Variants in CDH4 observed in about 807,000 individuals in gnomAD.
The protein encoded by CDH4 is cadherin 4.
Under a neutral mutation model 86.0 loss-of-function variants are expected in CDH4, and 33 were observed. That is an observed-to-expected ratio of 0.38 (90% CI 0.29 to 0.51). The LOEUF (loss-of-function observed/expected upper bound fraction) is 0.51, where lower values mean the gene tolerates loss of function less well. Among genes scored for constraint, CDH4 ranks in the 20% least tolerant of loss-of-function variants. The pLI, the probability that CDH4 is intolerant of heterozygous loss-of-function variation, is 0.86. For missense variants in CDH4, 1,114 were observed against 1,307.4 expected, an observed-to-expected ratio of 0.85 and a Z score of 2.28; for synonymous variants, 555 against 549.4, an observed-to-expected ratio of 1.01 and a Z score of -0.14.
At chr20:61,273,340 CCTTGTG>C (rs2084196879) in intron 2 of CDH4, among the ~76,000 whole-genome samples, 8 of 126,384 alleles carry the variant, frequency 6.3e-5, no homozygotes, top group Non-Finnish European at 6.4e-5. Context: ...TGGGAGAGTA[CCTTGTG>C]CAGTTTGGGG....
In CDH4 at chr20:61,684,595, GCTCCTGGGGGTT is replaced by G; in HGVS notation, c.170-58966_170-58955del. Among the ~76,000 whole-genome samples the G allele has an allele frequency of 6.6e-6, 1 of 152,188 alleles. No individual in the cohort carries two copies. Among genetic ancestry groups the G allele is most frequent in the South Asian group, 2.1e-4 (1 of 4,828 alleles). ...TGGGCTCCGTCCTGGGGGCTGAAAG[GCTCCTGGGGGTT>G]CAGTCTCTAACCTGCTCTTTAAAAT... On this transcript the variant is annotated intron_variant, in intron 2 of 15. Coordinates refer to ENST00000614565, the MANE Select transcript of CDH4 (RefSeq NM_001794.5). The surrounding 1 kb of genome is among the most constrained non-coding windows in gnomAD (Gnocchi z 4.5).
chr20:61,760,359 C>T (rs745779983), intron 3 of CDH4, among the ~76,000 whole-genome samples: 6 of 152,274 alleles, frequency 3.9e-5, no homozygotes, highest in Non-Finnish European at 7.3e-5. Context: ...GCCCAGGCTC[C>T]GGCTTTGCCC....
At chr20:61,497,600 C>T (rs1055766772) in intron 2 of CDH4, among the ~76,000 whole-genome samples, 4 of 152,206 alleles carry the variant, frequency 2.6e-5, no homozygotes, top group East Asian at 1.9e-4. Context: ...CACTTTTACA[C>T]TGTTGGTGGG....
At chr20:61,441,905 G>T (rs917850342) in intron 2 of CDH4, among the ~76,000 whole-genome samples, 1 of 152,102 alleles carries the variant, frequency 6.6e-6, no homozygotes, top group African/African-American at 2.4e-5. Flanking sequence ...GTTCATCCAG[G>T]TTCTCTCCAA....
rs1045684744 is a variant in CDH4 at position 61,632,457 on chromosome 20, T to C, written c.170-111106T>C. On this transcript the variant is annotated intron_variant, in intron 2 of 15. Transcript: ENST00000614565. ...GTGTGACCCTTGCCCCATTAAAGGA[T>C]GGAAGCATCGTTAACGCCGGGCCTC... Among the ~76,000 whole-genome samples, 6 of 152,250 alleles carry C rather than the reference T, an allele frequency of 3.9e-5. No individual in the cohort carries two copies. In the East Asian group the frequency reaches 9.7e-4, roughly 25 times the overall value.
intron 2 of CDH4, among the ~76,000 whole-genome samples, chr20:61,354,589 G>A (rs2084735857): frequency 6.6e-6 from 1 of 152,218 alleles, no homozygotes; most frequent in Non-Finnish European, 1.5e-5. Context: ...ACATCTGAGG[G>A]GCTGTCCTGA....
intron 2 of CDH4, among the ~76,000 whole-genome samples, chr20:61,471,314 A>G (rs1397508239): frequency 6.6e-6 from 1 of 152,050 alleles, no homozygotes; most frequent in Admixed American, 6.6e-5. Flanking sequence ...ATTGTCATAC[A>G]GTTGCTCATA....
intron 7 of CDH4, among the ~76,000 whole-genome samples, chr20:61,885,353 T>G (rs1404054635): frequency 6.6e-6 from 1 of 152,250 alleles, no homozygotes; most frequent in Non-Finnish European, 1.5e-5. Flanking sequence ...TCTTTCTGCT[T>G]CTACGGATTT....
intron 3 of CDH4, 67 bp downstream of exon 3, chr20:61,743,856 C>G: frequency 8.1e-7 from 1 of 1,237,866 alleles, no homozygotes; most frequent in Non-Finnish European, 1.1e-6. Context: ...AGGCCCTGGG[C>G]AGAGCCTCTG....
At chr20:61,806,555 A>T (rs1044029181) in intron 4 of CDH4, among the ~76,000 whole-genome samples, 6 of 126,912 alleles carry the variant, frequency 4.7e-5, no homozygotes, top group Admixed American at 2.3e-4. Context: ...ACGCGCACGC[A>T]CACACATGTC....
intron 9 of CDH4, among the ~76,000 whole-genome samples, chr20:61,912,317 T>A (rs1453262406): frequency 6.6e-6 from 1 of 152,188 alleles, no homozygotes; most frequent in East Asian, 1.9e-4. Context: ...TGTTAGGAGA[T>A]CACAGGGGAA....
chr20:61,833,440 C>T (rs777428746), intron 4 of CDH4, among the ~76,000 whole-genome samples: 26 of 151,988 alleles, frequency 1.7e-4, no homozygotes, highest in Admixed American at 7.9e-4. Context: ...CATAGTATTC[C>T]GGCATTATTA....
chr20:61,448,522 G>A (rs1451832879), intron 2 of CDH4, among the ~76,000 whole-genome samples: 1 of 152,078 alleles, frequency 6.6e-6, no homozygotes, highest in Non-Finnish European at 1.5e-5. Context: ...TGGGGGTTTT[G>A]TAAAATACAC....
At position 61,937,014 on chromosome 20, in the gene CDH4, G is replaced by A. The variant is rs763176606; in HGVS notation, c.*71G>A. 23 of 1,364,612 alleles carry A rather than the reference G, an allele frequency of 1.7e-5. No individual in the cohort carries two copies. Among genetic ancestry groups the A allele is most frequent in the African/African-American group, 1.2e-4 (8 of 67,710 alleles). The allele number at this position is 1,364,612 out of a possible 1,614,324, so 84.5% of individuals were successfully genotyped here. ...CGGAGGAGCAGGACTGAGCAGAGGC[G>A]GCCGGTCTTCCCGACTCCCTGCGGC... On this transcript the variant is annotated 3_prime_UTR_variant, in exon 16 of 16. Transcript: ENST00000614565.
At chr20:61,679,985 G>A (rs974856497) in intron 2 of CDH4, among the ~76,000 whole-genome samples, 13 of 152,156 alleles carry the variant, frequency 8.5e-5, no homozygotes, top group African/African-American at 1.4e-4. Context: ...CCTCGTACCC[G>A]AGTGAAGCTT....
intron 2 of CDH4, among the ~76,000 whole-genome samples, chr20:61,686,432 TGTGCGTGTGCGTGTGCATTC>T (rs2145865037): frequency 1.3e-5 from 2 of 149,762 alleles, no homozygotes; most frequent in East Asian, 4.1e-4. Context: ...TGCGTGTGTA[TGTGCGTGTGCGTGTGCATTC>T]GTGTGTGTGC....
chr20:61,887,880 A>T (rs1232544053), intron 7 of CDH4, among the ~76,000 whole-genome samples: 1 of 151,984 alleles, frequency 6.6e-6, no homozygotes, highest in East Asian at 1.9e-4. Context: ...CAGCCTGGGG[A>T]CCCTACGCTG....
intron 8 of CDH4, among the ~76,000 whole-genome samples, chr20:61,900,292 G>A (rs1365966600): frequency 3.3e-5 from 5 of 151,864 alleles, no homozygotes; most frequent in Admixed American, 6.6e-5. Context: ...AAATTAGAAC[G>A]GACTCAGTGC....
chr20:61,715,437 T>C (rs2087942481), intron 2 of CDH4, among the ~76,000 whole-genome samples: 1 of 152,150 alleles, frequency 6.6e-6, no homozygotes, highest in Non-Finnish European at 1.5e-5. Flanking sequence ...TGGGCCCTCC[T>C]GCTTCCTCAT....
Sources: allele counts gnomAD v4.1 joint callset (sites outside exome capture counted in the v4.1 genomes callset), GRCh38; gene constraint gnomAD v4.1.1; non-coding constraint Gnocchi (gnomAD v3.1); transcripts MANE v1.5; gene names NCBI Gene and HGNC (gene_info 2026-07-23, HGNC 2026-07-21).